Variants in CTNNA2 observed in about 807,000 individuals in gnomAD.
CTNNA2 encodes the protein catenin alpha-2.
Under a neutral mutation model 101.0 loss-of-function variants are expected in CTNNA2, and 42 were observed. The ratio of observed to expected loss-of-function variants is 0.42; its 90% CI spans 0.32 to 0.54. The LOEUF is 0.54. CTNNA2 is among the 20% of genes least tolerant of loss of function. CTNNA2 has a pLI of 0.14. For synonymous variants in CTNNA2, 450 were observed against 456.4 expected, an observed-to-expected ratio of 0.99 and a Z score of 0.18; for missense variants, 871 against 1,223.1, an observed-to-expected ratio of 0.71 and a Z score of 4.29.
intron 7 of CTNNA2, among the ~76,000 whole-genome samples, chr2:80,189,065 G>T (rs1573342181): frequency 6.8e-6 from 1 of 146,618 alleles, no homozygotes; most frequent in East Asian, 2.1e-4. Flanking sequence ...CACTTCTCCT[G>T]CCTCAGCCTT....
intron 7 of CTNNA2, among the ~76,000 whole-genome samples, chr2:80,213,207 A>G (rs1472693568): frequency 1.3e-5 from 2 of 150,250 alleles, no homozygotes; most frequent in Non-Finnish European, 3.0e-5. Flanking sequence ...TTGTGTCTCT[A>G]TCTCCTTCAC....
At chr2:79,251,837 C>T (rs1453624791) in intron 2 of CTNNA2, among the ~76,000 whole-genome samples, 1 of 152,158 alleles carries the variant, frequency 6.6e-6, no homozygotes, top group Non-Finnish European at 1.5e-5. Flanking sequence ...CTTTCTGATC[C>T]ACAGAAATAA....
chr2:79,869,949 T>G lies in CTNNA2; in HGVS notation c.585+14T>G, dbSNP rs771067484. ...AGAAGACAACAGGTGGGAAAGATTT[T>G]AGAAATGCTAGGGGAGAAAATGGGT... is the stretch of plus-strand genomic sequence containing the variant. On this transcript the variant is annotated intron_variant, in intron 5 of 18. Transcript: ENST00000402739. The G allele has an allele frequency of 6.2e-7, 1 of 1,612,450 alleles. No homozygotes were observed. The highest frequency in any genetic ancestry group is 1.7e-5 in the Admixed American group (1 of 59,844).
intron 7 of CTNNA2, among the ~76,000 whole-genome samples, chr2:79,957,004 C>T (rs796507502): frequency 3.3e-4 from 50 of 152,116 alleles, no homozygotes; most frequent in African/African-American, 1.2e-3. Flanking sequence ...CTCATCCAAA[C>T]ACTGATTACT....
intron 4 of CTNNA2, among the ~76,000 whole-genome samples, chr2:79,413,788 T>C (rs145146819): frequency 1.6e-4 from 24 of 152,008 alleles, no homozygotes; most frequent in Non-Finnish European, 3.1e-4. Context: ...ATCTCATTGT[T>C]ACTTTAATTT....
chr2:79,778,307 T>G (rs1432180605), intron 3 of CTNNA2, among the ~76,000 whole-genome samples: 1 of 151,554 alleles, frequency 6.6e-6, no homozygotes, highest in Non-Finnish European at 1.5e-5. Flanking sequence ...ATCGCATCAC[T>G]GCACTCCAGC....
intron 9 of CTNNA2, among the ~76,000 whole-genome samples, chr2:80,525,797 A>T (rs1470601498): frequency 1.3e-5 from 2 of 152,276 alleles, no homozygotes; most frequent in Non-Finnish European, 1.5e-5. Flanking sequence ...ATCTGTAAGG[A>T]TAATGACTAC....
intron 7 of CTNNA2, among the ~76,000 whole-genome samples, chr2:80,121,330 T>C (rs1212944028): frequency 6.6e-6 from 1 of 152,206 alleles, no homozygotes; most frequent in East Asian, 1.9e-4. Context: ...TTTATTAATA[T>C]GTATAATGGG....
chr2:79,637,525 C>G (rs1680156608), intron 1 of CTNNA2, among the ~76,000 whole-genome samples: 1 of 152,100 alleles, frequency 6.6e-6, no homozygotes, highest in Non-Finnish European at 1.5e-5. Flanking sequence ...AAACAAAGAC[C>G]TTCCATATTG....
chr2:80,213,543 C>T (rs1320501962), intron 7 of CTNNA2, among the ~76,000 whole-genome samples: 1 of 152,130 alleles, frequency 6.6e-6, no homozygotes, highest in African/African-American at 2.4e-5. Flanking sequence ...TTTCTTAATC[C>T]TGAGTTCTAA....
intron 1 of CTNNA2, among the ~76,000 whole-genome samples, chr2:79,596,029 T>C (rs1031531724): frequency 7.3e-5 from 11 of 151,636 alleles, no homozygotes; most frequent in African/African-American, 2.7e-4. Context: ...TTTTATTTAT[T>C]TTTCCAGACC....
At chr2:79,382,479 A>C (rs1573138969) in intron 4 of CTNNA2, among the ~76,000 whole-genome samples, 1 of 152,214 alleles carries the variant, frequency 6.6e-6, no homozygotes, top group Admixed American at 6.5e-5. Flanking sequence ...AAAAAGAAGA[A>C]GGTTTCCAAT....
chr2:79,645,139 T>G (rs1399632264), intron 1 of CTNNA2, among the ~76,000 whole-genome samples: 17 of 148,644 alleles, frequency 1.1e-4, no homozygotes, highest in Non-Finnish European at 2.5e-4. Flanking sequence ...CGTGCCACCA[T>G]GCCTGGCTAA....
rs543696499 is a variant in CTNNA2 at position 80,286,482 on chromosome 2, G to T, written c.1057-106729G>T. Among the ~76,000 whole-genome samples, 4 of 152,244 alleles carry T rather than the reference G, an allele frequency of 2.6e-5. No homozygotes were observed. In the East Asian group the frequency reaches 7.7e-4, roughly 29 times the overall value. On this transcript the variant is annotated intron_variant, in intron 7 of 18. Transcript: ENST00000402739. ...TGAAATGGAATAAAATTAGATTCTG[G>T]ATTGTCCTGGTGATGAAGTAGCTAC...
intron 2 of CTNNA2, among the ~76,000 whole-genome samples, chr2:79,683,683 C>T (rs889370383): frequency 6.6e-6 from 1 of 152,194 alleles, no homozygotes; most frequent in African/African-American, 2.4e-5. Flanking sequence ...CCTTTGTTCA[C>T]CTCTGTCATT....
chr2:79,300,542 A>G (rs1358143250), intron 2 of CTNNA2, among the ~76,000 whole-genome samples: 1 of 152,172 alleles, frequency 6.6e-6, no homozygotes, highest in Non-Finnish European at 1.5e-5. Context: ...CAACCACATC[A>G]GTATACTGTT....
chr2:80,247,509 G>T (rs144087710), intron 7 of CTNNA2, among the ~76,000 whole-genome samples: 71 of 152,212 alleles, frequency 4.7e-4, no homozygotes, highest in African/African-American at 1.6e-3. Flanking sequence ...AGACCTTAAA[G>T]GATGTCAGTG....
intron 9 of CTNNA2, among the ~76,000 whole-genome samples, chr2:80,505,723 A>G (rs188121298): frequency 6.6e-6 from 1 of 152,338 alleles, no homozygotes; most frequent in Non-Finnish European, 1.5e-5. Flanking sequence ...CATTTTCTAT[A>G]TAACATGCAA....
At chr2:79,387,330 T>C (rs1678116308) in intron 4 of CTNNA2, among the ~76,000 whole-genome samples, 1 of 152,194 alleles carries the variant, frequency 6.6e-6, no homozygotes, top group African/African-American at 2.4e-5. Flanking sequence ...TTAATAATGC[T>C]CTTTTGTTGG....
Sources: allele counts gnomAD v4.1 joint callset (sites outside exome capture counted in the v4.1 genomes callset), GRCh38; gene constraint gnomAD v4.1.1; transcripts MANE v1.5; gene names NCBI Gene and HGNC (gene_info 2026-07-23, HGNC 2026-07-21).